Variants in CSMD3 observed in about 807,000 individuals in gnomAD.
The protein encoded by CSMD3 is CUB and Sushi multiple domains 3.
A neutral mutation model predicts 435.2 loss-of-function variants in CSMD3; 177 were observed. The ratio of observed to expected loss-of-function variants is 0.41; its 90% CI spans 0.36 to 0.46. The LOEUF is 0.46. Among genes scored for constraint, CSMD3 ranks in the 20% least tolerant of loss-of-function variants. The pLI is 0.34. For missense variants in CSMD3, 4,265 were observed against 4,504.6 expected (o/e 0.95, Z 1.52); for synonymous variants, 1,656 against 1,520.5 (o/e 1.09, Z -2.07).
At chr8:113,198,709 A>T (rs1403704563) in intron 3 of CSMD3, among the ~76,000 whole-genome samples, 2 of 151,122 alleles carry the variant, frequency 1.3e-5, no homozygotes, top group African/African-American at 4.8e-5. Context: ...CTTAATCATT[A>T]CTCCCTTAAA....
chr8:112,260,453 G>A (rs1029627493), intron 61 of CSMD3, among the ~76,000 whole-genome samples: 6 of 152,186 alleles, frequency 3.9e-5, no homozygotes, highest in Admixed American at 1.3e-4. Flanking sequence ...AATGATATAC[G>A]TAAAGCAACT....
intron 9 of CSMD3, among the ~76,000 whole-genome samples, chr8:112,936,810 A>G (rs1206531772): frequency 6.6e-6 from 1 of 152,148 alleles, no homozygotes; most frequent in African/African-American, 2.4e-5. Flanking sequence ...TGGCTTATCT[A>G]TAAATATTTG....
In CSMD3 at chr8:112,338,754, G is replaced by T. The variant is rs918164106; in HGVS notation, c.6653-1023C>A. ...TTAATGTGTCCTTTTCATTTTAATT[G>T]ATATTCTACACAAAAAATATTCTAC... On this transcript the variant is annotated intron_variant, in intron 42 of 70. Transcript: ENST00000297405. 2.0e-5 allele frequency among the ~76,000 whole-genome samples: 3 copies of T among 151,920 alleles called. No homozygotes were observed. In the East Asian group the frequency reaches 5.8e-4, roughly 29 times the overall value.
intron 6 of CSMD3, among the ~76,000 whole-genome samples, chr8:113,013,766 A>C (rs1969112): frequency 6.6e-6 from 1 of 151,838 alleles, no homozygotes; most frequent in African/African-American, 2.4e-5. Context: ...TTGTTTATGT[A>C]GTGGATTGAT....
chr8:112,475,574 TAC>T (rs1182810058), intron 31 of CSMD3, among the ~76,000 whole-genome samples: 1 of 151,978 alleles, frequency 6.6e-6, no homozygotes, highest in Non-Finnish European at 1.5e-5. Flanking sequence ...TGCTCTGAGA[TAC>T]ACATCTATTG....
chr8:112,898,115 T>G (rs994684357), intron 10 of CSMD3, among the ~76,000 whole-genome samples: 5 of 151,244 alleles, frequency 3.3e-5, no homozygotes, highest in African/African-American at 1.2e-4. Flanking sequence ...ACTAATATTT[T>G]AAGCAAGCTT....
intron 40 of CSMD3, among the ~76,000 whole-genome samples, chr8:112,346,547 G>A (rs942287401): frequency 2.0e-5 from 3 of 151,538 alleles, no homozygotes; most frequent in Non-Finnish European, 4.4e-5. Context: ...TCCTCAAGTA[G>A]TCCTAGAAAT....
At chr8:113,024,789 T>C (rs975768084) in intron 5 of CSMD3, among the ~76,000 whole-genome samples, 1 of 152,150 alleles carries the variant, frequency 6.6e-6, no homozygotes, top group African/African-American at 2.4e-5. Context: ...AATTTTTTCA[T>C]CAGTAGTAAA....
chr8:113,045,119 GA>G (rs1043498963), intron 5 of CSMD3, among the ~76,000 whole-genome samples: 4 of 148,708 alleles, frequency 2.7e-5, no homozygotes, highest in African/African-American at 7.3e-5. Context: ...TAAGGGTAGA[GA>G]AAAAAAGTCC....
intron 6 of CSMD3, among the ~76,000 whole-genome samples, chr8:113,004,813 G>A (rs1026757226): frequency 6.6e-5 from 10 of 151,696 alleles, no homozygotes; most frequent in African/African-American, 2.2e-4. Context: ...ATTTATGGTT[G>A]AAATGTTTAG....
rs74710135 is a variant in CSMD3, at chr8:112,901,457, T to G, written c.1633+20170A>C. Among the ~76,000 whole-genome samples, 183 of 151,412 alleles carry G rather than the reference T, an allele frequency of 1.2e-3. 2 individuals carry two copies. Among genetic ancestry groups the G allele is most frequent in the African/African-American group, 4.1e-3 (172 of 41,462 alleles). On this transcript the variant is annotated intron_variant, in intron 10 of 70. Coordinates refer to ENST00000297405, the MANE Select transcript of CSMD3 (RefSeq NM_198123.2). ...TACTACCCCAGACTGAGTTTACAAT[T>G]CTGACAAAGTTGACCTACTACTGGA...
In CSMD3 at chr8:112,839,222, T is replaced by A. The variant is rs1187153149; in HGVS notation, c.1756-9433A>T. Among the ~76,000 whole-genome samples the A allele has an allele frequency of 4.0e-5, 6 of 151,720 alleles. 1 individual carries two copies. The highest frequency in any genetic ancestry group is 4.8e-5 in the African/African-American group (2 of 41,390). On this transcript the variant is annotated intron_variant, in intron 11 of 70. Transcript: ENST00000297405. ...AGAGTCTGGGGACACTGAGAGCTAC[T>A]GATGGAGTGATAAAAGCTTTTAGCT...
intron 38 of CSMD3, among the ~76,000 whole-genome samples, chr8:112,355,285 C>T (rs912608600): frequency 6.6e-6 from 1 of 152,056 alleles, no homozygotes; most frequent in African/African-American, 2.4e-5. Flanking sequence ...TGGACATTGG[C>T]CTTGGCAATG....
At chr8:112,328,232 G>T (rs1250949206) in intron 45 of CSMD3, among the ~76,000 whole-genome samples, 2 of 152,134 alleles carry the variant, frequency 1.3e-5, no homozygotes, top group Non-Finnish European at 1.5e-5. Context: ...GTTCTGTTAT[G>T]CAGTTTGGGC....
At chr8:112,982,581 C>A (rs971287673) in intron 6 of CSMD3, among the ~76,000 whole-genome samples, 10 of 151,924 alleles carry the variant, frequency 6.6e-5, no homozygotes, top group Non-Finnish European at 1.2e-4. Flanking sequence ...GAACAGCTGG[C>A]AGCTCTCATG....
chr8:113,160,752 A>G (rs887648023), intron 4 of CSMD3, among the ~76,000 whole-genome samples: 4 of 152,122 alleles, frequency 2.6e-5, no homozygotes, highest in African/African-American at 4.8e-5. Flanking sequence ...GGATTATTTG[A>G]TATTGCTTAG....
chr8:112,751,629 T>A (rs112751220), intron 13 of CSMD3, among the ~76,000 whole-genome samples: 1 of 133,344 alleles, frequency 7.5e-6, no homozygotes. Context: ...GAAGTTTAGG[T>A]TTTTTTTTTT....
rs112580100 is a variant in CSMD3, at chr8:112,319,231, T to A, written c.7247-281A>T. Reference sequence around the variant, plus strand: ...AGTCATAAGGAAATAATTTAGTTGATATAGGTGAGATATTCAATAAAAATA... The same window carrying A: ...AGTCATAAGGAAATAATTTAGTTGAAATAGGTGAGATATTCAATAAAAATA... On this transcript the variant is annotated intron_variant, in intron 46 of 70. Coordinates refer to ENST00000297405, the MANE Select transcript of CSMD3 (RefSeq NM_198123.2). Among the ~76,000 whole-genome samples, 164 of 152,184 alleles carry A rather than the reference T, an allele frequency of 1.1e-3. 2 individuals are homozygous for A. The highest frequency in any genetic ancestry group is 6.8e-3 in the Middle Eastern group (2 of 294).
chr8:113,239,554 T>C (rs1335013558), intron 3 of CSMD3, among the ~76,000 whole-genome samples: 1 of 151,816 alleles, frequency 6.6e-6, no homozygotes, highest in African/African-American at 2.4e-5. Flanking sequence ...ATCAGTTCTG[T>C]TTCTGTACAG....
Sources: allele counts gnomAD v4.1 joint callset (sites outside exome capture counted in the v4.1 genomes callset), GRCh38; gene constraint gnomAD v4.1.1; transcripts MANE v1.5; gene names NCBI Gene and HGNC (gene_info 2026-07-23, HGNC 2026-07-21).